The following LMBR1L variants were observed in gnomAD, a reference collection of about 807,000 sequenced individuals.
The protein encoded by LMBR1L is limb development membrane protein 1 like.
Under a neutral mutation model 67.3 loss-of-function variants are expected in LMBR1L, and 47 were observed. The ratio of observed to expected loss-of-function variants is 0.70; its 90% CI spans 0.55 to 0.89. The LOEUF (loss-of-function observed/expected upper bound fraction) is 0.89, where lower values mean the gene tolerates loss of function less well. Ranked by LOEUF, LMBR1L falls within the 40% of genes least tolerant of loss-of-function variation. The probability of loss-of-function intolerance (pLI) is 0.00; values close to 1 mark genes in which losing one functional copy is unlikely to be tolerated. For missense variants in LMBR1L, 533 were observed against 599.2 expected (o/e 0.89, Z 1.15); for synonymous variants, 247 against 250.3 (o/e 0.99, Z 0.13).
rs1395604910 is a variant in LMBR1L at position 49,103,696 on chromosome 12, ACT to A, written c.551_552del (p.Glu184ValfsTer4). On this transcript the variant is annotated frameshift_variant, in exon 6 of 17. Coordinates refer to ENST00000267102, the MANE Select transcript of LMBR1L (RefSeq NM_018113.4). LOFTEE classifies it high-confidence loss of function. ...AIVDKNKANRESLYDFWEYYL... is the reference protein window; with the variant it reads ...AIVDKNKANRXSLYDFWEYYL... Reference sequence around the variant, plus strand: ...AAGCTGGGCCGCTCACCATAGAGTGACTCTCTGTTGGCCTTGTTCTTGTCCAC... The same window carrying A: ...AAGCTGGGCCGCTCACCATAGAGTGACTCTGTTGGCCTTGTTCTTGTCCAC... 2.5e-6 allele frequency: 4 copies of A among 1,613,184 alleles called. No homozygotes were observed. The highest frequency in any genetic ancestry group is 2.2e-5 in the East Asian group (1 of 44,864).
chr12:49,097,359 T>C lies in LMBR1L; in HGVS notation c.*313A>G, dbSNP rs901191720. 7 of 354,330 alleles carry C rather than the reference T, an allele frequency of 2.0e-5. No individual in the cohort carries two copies. Among genetic ancestry groups the C allele is most frequent in the African/African-American group, 1.4e-4 (7 of 48,786 alleles). 21.9% of individuals were successfully genotyped at this position (354,330 alleles called of 1,614,324 possible). The stretch of plus-strand genomic sequence containing the variant: ...CCCCACCCTATTGCACATCAAATCA[T>C]GTAAACATGGCTATGGGGATGGCCC... On this transcript the variant is annotated 3_prime_UTR_variant, in exon 17 of 17. Transcript: ENST00000267102.
At chr12:49,106,542 C>T in intron 2 of LMBR1L, 1 of 1,305,724 alleles carries the variant, frequency 7.7e-7, no homozygotes, top group African/African-American at 1.5e-5. Flanking sequence ...AGGCCACCAT[C>T]ACCAGGTTCC....
Position 49,103,684 on chromosome 12 carries a change from C to T in LMBR1L, c.562+3G>A. On this transcript the variant is annotated splice_donor_region_variant and intron_variant, in intron 6 of 16. Transcript: ENST00000267102. Reference sequence around the variant, plus strand: ...GCAGCCTGGAGGAAGCTGGGCCGCTCACCATAGAGTGACTCTCTGTTGGCC... The same window carrying T: ...GCAGCCTGGAGGAAGCTGGGCCGCTTACCATAGAGTGACTCTCTGTTGGCC... 1 of 1,610,728 alleles carries T rather than the reference C, an allele frequency of 6.2e-7. No homozygotes were observed. Among genetic ancestry groups the T allele is most frequent in the Non-Finnish European group, 8.5e-7 (1 of 1,178,588 alleles).
rs566240015 is a variant in LMBR1L, at chr12:49,110,652, G to T, written c.-97C>A. 134 of 1,051,516 alleles carry T rather than the reference G, an allele frequency of 1.3e-4. No homozygotes were observed. Among genetic ancestry groups the T allele is most frequent in the Non-Finnish European group, 1.9e-4 (130 of 678,288 alleles). The allele number at this position is 1,051,516 out of a possible 1,614,324, so 65.1% of individuals were successfully genotyped here. ...CGCCAAGCACCCAGACCCAGCCTAG[G>T]GGCCTTTCCTCGCAGCCTGCGACAG... On this transcript the variant is annotated 5_prime_UTR_variant, in exon 1 of 17. Transcript: ENST00000267102.
At chr12:49,102,044 G>A in intron 11 of LMBR1L, 76 bp downstream of exon 11, 2 of 1,279,562 alleles carry the variant, frequency 1.6e-6, no homozygotes, top group Non-Finnish European at 2.3e-6. Flanking sequence ...CCAGGTCCCT[G>A]CATTGCCTCC....
intron 4 of LMBR1L, 83 bp downstream of exon 4, chr12:49,104,663 G>T: frequency 1.3e-6 from 2 of 1,586,738 alleles, no homozygotes; most frequent in East Asian, 2.3e-5. Flanking sequence ...TGACTGCTTG[G>T]CGCACGGCTG....
intron 13 of LMBR1L, 119 bp downstream of exon 13, chr12:49,101,131 C>A: frequency 6.3e-7 from 1 of 1,592,218 alleles, no homozygotes. Context: ...AAACTTGCCC[C>A]ACTTCCCATC....
intron 13 of LMBR1L, 170 bp from the exon 14 acceptor site, chr12:49,100,816 C>T: frequency 1.6e-6 from 1 of 623,722 alleles, no homozygotes; most frequent in Non-Finnish European, 2.8e-6. Flanking sequence ...CAACCTTGAC[C>T]TTCTGGGCTT....
intron 5 of LMBR1L, 41 bp downstream of exon 5, chr12:49,104,407 T>G: frequency 3.0e-6 from 4 of 1,352,612 alleles, no homozygotes; most frequent in Non-Finnish European, 4.2e-6. Flanking sequence ...ACCATGTGTG[T>G]GGAATTCCGT....
intron 13 of LMBR1L, 176 bp downstream of exon 13, chr12:49,101,074 C>T: frequency 1.5e-6 from 2 of 1,356,602 alleles, no homozygotes; most frequent in Non-Finnish European, 1.9e-6. Context: ...CACCAGCCCT[C>T]CTTTCAAATT....
chr12:49,104,930 C>A (rs778520322), intron 3 of LMBR1L, 45 bp from the exon 4 acceptor site: 1 of 1,571,472 alleles, frequency 6.4e-7, no homozygotes, highest in Non-Finnish European at 8.6e-7. Context: ...TCAGCACTCA[C>A]TACCCTGTGC....
chr12:49,099,844 G>C (rs1939902628), intron 15 of LMBR1L, among the ~76,000 whole-genome samples: 1 of 152,212 alleles, frequency 6.6e-6, no homozygotes, highest in Non-Finnish European at 1.5e-5. Flanking sequence ...GCCTCCCAAA[G>C]TGCTGGGATT....
chr12:49,106,298 TG>T (rs1302535462), intron 2 of LMBR1L: 31 of 392,444 alleles, frequency 7.9e-5, no homozygotes, highest in Non-Finnish European at 1.4e-4. Flanking sequence ...CATCAGTGGC[TG>T]GGTCCAGGAA....
At position 49,102,345 on chromosome 12, in the gene LMBR1L, C is replaced by T; in HGVS notation, c.801G>A (p.Met267Ile). 2.5e-6 allele frequency: 4 copies of T among 1,614,222 alleles called. No homozygotes were observed. The highest frequency in any genetic ancestry group is 3.4e-6 in the Non-Finnish European group (4 of 1,180,036). The change falls in exon 10 of 17, where the codon ATG becomes ATA. Residue 267 changes from methionine to isoleucine, a missense_variant. Met to Ile is a conservative substitution (Grantham distance 10). Transcript: ENST00000267102. ...NPTSCWLPLDMELLHRQVLAL... is the reference protein window; with the variant it reads ...NPTSCWLPLDIELLHRQVLAL... The stretch of plus-strand genomic sequence containing the variant: ...CCAGGACCTGTCTGTGTAGCAGCTC[C>T]ATGTCTAAAGGCAGCCAGCAGGAAG...
chr12:49,103,112 G>C lies in LMBR1L; in HGVS notation c.610C>G (p.Leu204Val). Residue 204 changes from leucine to valine, a missense_variant, in exon 7 of 17, where the codon CTT becomes GTT. By Grantham distance (32) the Leu-to-Val change is conservative (BLOSUM62 1). Transcript: ENST00000267102. Reference sequence around the variant, plus strand: ...TCACCCAGGAGCAGCAGAACCCCAAGGAAGGAGATGCATGAGTAGAGGTAG... The same window carrying C: ...TCACCCAGGAGCAGCAGAACCCCAACGAAGGAGATGCATGAGTAGAGGTAG... ...LPYLYSCISF[L>V]GVLLLLVCTP... The C allele has an allele frequency of 6.2e-7, 1 of 1,614,040 alleles. No homozygotes were observed. The highest frequency in any genetic ancestry group is 1.1e-5 in the South Asian group (1 of 91,076).
At chr12:49,097,837 C>T in intron 16 of LMBR1L, 98 bp from the exon 17 acceptor site, 2 of 1,592,584 alleles carry the variant, frequency 1.3e-6, no homozygotes, top group East Asian at 2.2e-5. Context: ...AGGTACGTTA[C>T]CCACAAAGCA....
Position 49,105,563 on chromosome 12 carries a change from A to T in LMBR1L, c.191+361T>A, listed in dbSNP as rs553771434. ...CCAGAACCAAGCATGCCCCTCCCTC[A>T]GGGGTTCCCACCTTCCCCACACCCT... On this transcript the variant is annotated intron_variant, in intron 3 of 16. Transcript: ENST00000267102. Among the ~76,000 whole-genome samples, 41 of 152,244 alleles carry T rather than the reference A, an allele frequency of 2.7e-4. No homozygotes were observed. The South Asian group carries it at 8.5e-3, about 32-fold the overall frequency.
chr12:49,106,805 G>C (rs757100109), intron 2 of LMBR1L, 156 bp downstream of exon 2: 26 of 835,604 alleles, frequency 3.1e-5, no homozygotes, highest in Non-Finnish European at 4.5e-5. Flanking sequence ...AGCCGCCCTT[G>C]CCCCTATCTT....
intron 3 of LMBR1L, among the ~76,000 whole-genome samples, chr12:49,105,688 G>A (rs925900535): frequency 6.6e-6 from 1 of 152,170 alleles, no homozygotes; most frequent in Non-Finnish European, 1.5e-5. Context: ...TCAGGCCCCA[G>A]CGGACGTTCC....
Sources: gnomAD v4.1 joint callset for allele counts (sites outside exome capture counted in the v4.1 genomes callset) on GRCh38, gnomAD v4.1.1 for gene constraint, MANE v1.5 for transcripts, NCBI Gene and HGNC (gene_info 2026-07-23, HGNC 2026-07-21) for gene names.